The following IFI27L1 variants were observed in gnomAD, a reference collection of about 807,000 sequenced individuals.
IFI27L1 encodes interferon alpha-inducible protein 27-like protein 1.
Under a neutral mutation model 9.2 loss-of-function variants are expected in IFI27L1, and 3 were observed. The observed-to-expected ratio is 0.32, with a 90% confidence interval of 0.15 to 0.84. The LOEUF (loss-of-function observed/expected upper bound fraction) is 0.84, where lower values mean the gene tolerates loss of function less well. Among genes scored for constraint, IFI27L1 ranks in the 40% least tolerant of loss-of-function variants. IFI27L1 has a pLI of 0.56. For missense variants in IFI27L1, 133 were observed against 134.2 expected, an observed-to-expected ratio of 0.99 and a Z score of 0.05; for synonymous variants, 53 against 50.0, an observed-to-expected ratio of 1.06 and a Z score of -0.26.
intron 1 of IFI27L1, among the ~76,000 whole-genome samples, chr14:94,089,931 C>T (rs1218716610): frequency 6.6e-6 from 1 of 151,892 alleles, no homozygotes; most frequent in Non-Finnish European, 1.5e-5. Context: ...TCTTGAGTTC[C>T]GACAAAAGGT....
chr14:94,100,954 C>T (rs1452737454), intron 3 of IFI27L1, 183 bp downstream of exon 3: 3 of 693,788 alleles, frequency 4.3e-6, no homozygotes, highest in Non-Finnish European at 7.6e-6. Flanking sequence ...ATTAAAGGCA[C>T]AGGGCTTTGG....
At chr14:94,087,036 A>T (rs1886303899) in intron 1 of IFI27L1, among the ~76,000 whole-genome samples, 1 of 152,226 alleles carries the variant, frequency 6.6e-6, no homozygotes, top group South Asian at 2.1e-4. Context: ...ATATTCAAGG[A>T]TGTAAAGGAA....
At chr14:94,094,216 A>G (rs1719469402) in intron 1 of IFI27L1, among the ~76,000 whole-genome samples, 1 of 152,128 alleles carries the variant, frequency 6.6e-6, no homozygotes. Flanking sequence ...TGGCACTACG[A>G]GGTATTAACT....
chr14:94,084,017 G>A (rs888884337), intron 1 of IFI27L1, among the ~76,000 whole-genome samples: 1 of 151,926 alleles, frequency 6.6e-6, no homozygotes, highest in African/African-American at 2.4e-5. Flanking sequence ...CAAAATGATG[G>A]CAAAGTTTCC....
intron 1 of IFI27L1, among the ~76,000 whole-genome samples, chr14:94,084,638 T>C (rs1231790805): frequency 6.6e-6 from 1 of 152,198 alleles, no homozygotes; most frequent in African/African-American, 2.4e-5. Flanking sequence ...GGGAAGCATA[T>C]TACAGAAGCG....
At chr14:94,081,529 T>G (rs1886105684) in intron 1 of IFI27L1, 80 bp downstream of exon 1, 1 of 152,748 alleles carries the variant, frequency 6.5e-6, no homozygotes, top group Non-Finnish European at 1.5e-5. Flanking sequence ...GGTTCTTGGA[T>G]CTTGCACAGG....
chr14:94,101,060 C>T lies in IFI27L1; in HGVS notation c.61+289C>T, dbSNP rs1886877568. 3 of 578,844 alleles carry T rather than the reference C, an allele frequency of 5.2e-6. No individual in the cohort carries two copies. The Admixed American group carries it at 9.0e-5, about 17-fold the overall frequency. 35.9% of individuals were successfully genotyped at this position (578,844 alleles called of 1,614,324 possible). On this transcript the variant is annotated intron_variant, in intron 3 of 4. Transcript: ENST00000555523. Reference sequence around the variant, plus strand: ...GAGCAGTCACAGCCCGGGATTCCTCCCCGTCTAAAGCAGGGCCCATGGTAT... The same window carrying T: ...GAGCAGTCACAGCCCGGGATTCCTCTCCGTCTAAAGCAGGGCCCATGGTAT...
chr14:94,091,046 G>A (rs1886458226), intron 1 of IFI27L1, among the ~76,000 whole-genome samples: 1 of 152,204 alleles, frequency 6.6e-6, no homozygotes, highest in Admixed American at 6.5e-5. Flanking sequence ...ACTTCTGTTA[G>A]TTTAGTTCAT....
In IFI27L1 at chr14:94,100,845, G is replaced by A. The variant is rs1350223374; in HGVS notation, c.61+74G>A. ...CAGCCCTGAGCCTCTGGGAGAAACT[G>A]GCTTTGACCAAACCCAGGATTCTCC... On this transcript the variant is annotated intron_variant, in intron 3 of 4. Coordinates refer to ENST00000555523, the MANE Select transcript of IFI27L1 (RefSeq NM_206949.3). 4 of 1,532,746 alleles carry A rather than the reference G, an allele frequency of 2.6e-6. No homozygotes were observed. The African/African-American group carries it at 5.5e-5, about 21-fold the overall frequency. The allele number at this position is 1,532,746 out of a possible 1,614,324, so 94.9% of individuals were successfully genotyped here.
intron 1 of IFI27L1, chr14:94,088,165 A>T (rs1184507861): frequency 1.5e-6 from 1 of 685,604 alleles, no homozygotes; most frequent in Non-Finnish European, 2.7e-6. Flanking sequence ...CTGTGCAAGG[A>T]TGTGAAGGTG....
intron 4 of IFI27L1, among the ~76,000 whole-genome samples, chr14:94,102,247 C>A (rs959542318): frequency 6.6e-6 from 1 of 152,074 alleles, no homozygotes; most frequent in Non-Finnish European, 1.5e-5. Flanking sequence ...AGAGGGTCTG[C>A]CCTGTTGCTG....
At chr14:94,082,373 A>G (rs1029517646) in intron 1 of IFI27L1, among the ~76,000 whole-genome samples, 1 of 152,216 alleles carries the variant, frequency 6.6e-6, no homozygotes, top group African/African-American at 2.4e-5. Context: ...GAGGCAGCAA[A>G]TGCTGATGGA....
intron 1 of IFI27L1, 120 bp from the exon 2 acceptor site, chr14:94,096,767 A>G: frequency 1.8e-6 from 1 of 563,144 alleles, no homozygotes; most frequent in East Asian, 2.8e-5. Flanking sequence ...ACGGGATTAT[A>G]TGTTTTATAT....
chr14:94,094,192 G>A (rs920475970), intron 1 of IFI27L1, among the ~76,000 whole-genome samples: 3 of 152,148 alleles, frequency 2.0e-5, no homozygotes, highest in African/African-American at 7.2e-5. Flanking sequence ...GTCTCTCTTG[G>A]TTAAAAATGG....
intron 1 of IFI27L1, chr14:94,089,373 C>G (rs1886392757): frequency 6.6e-6 from 1 of 152,152 alleles, no homozygotes; most frequent in Non-Finnish European, 1.5e-5. Flanking sequence ...GGTTCCTCCC[C>G]CTTTCAGACC....
chr14:94,102,561 C>G lies in IFI27L1; in HGVS notation c.308C>G (p.Ser103Cys), dbSNP rs1886944709. The G allele has an allele frequency of 3.2e-6, 5 of 1,555,804 alleles. No individual in the cohort carries two copies. The East Asian group carries it at 1.2e-4, about 38-fold the overall frequency. ...GGGGCCTGGCTGGGTTCACCCCCTT[C>G]CAGCTGAACACCACACTGAGGCAGG... ...ALGAWLGSPP[S>C]S The change falls in exon 5 of 5, where the codon TCC becomes TGC. Residue 103 changes from serine to cysteine, a missense_variant. Coordinates refer to ENST00000555523, the MANE Select transcript of IFI27L1 (RefSeq NM_206949.3).
chr14:94,092,051 G>C (rs1029766031), intron 1 of IFI27L1, among the ~76,000 whole-genome samples: 13 of 151,604 alleles, frequency 8.6e-5, no homozygotes, highest in African/African-American at 3.2e-4. Flanking sequence ...GCTTGAACCT[G>C]GGCAGTGGAG....
At chr14:94,090,595 G>A (rs929634174) in intron 1 of IFI27L1, among the ~76,000 whole-genome samples, 1 of 152,188 alleles carries the variant, frequency 6.6e-6, no homozygotes, top group African/African-American at 2.4e-5. Flanking sequence ...TCCTTAAGAG[G>A]TTTCAAGATA....
intron 2 of IFI27L1, chr14:94,097,350 G>A: frequency 1.8e-6 from 1 of 545,632 alleles, no homozygotes; most frequent in Non-Finnish European, 3.2e-6. Context: ...TGGCCTTTCT[G>A]CAAGGTTGTG....
Sources: gnomAD v4.1 joint callset for allele counts (sites outside exome capture counted in the v4.1 genomes callset) on GRCh38, gnomAD v4.1.1 for gene constraint, MANE v1.5 for transcripts, NCBI Gene and HGNC (gene_info 2026-07-23, HGNC 2026-07-21) for gene names.